The following KIF6 variants were observed in gnomAD, a reference collection of about 807,000 sequenced individuals.
KIF6 encodes the protein kinesin-like protein KIF6.
Under a neutral mutation model 112.7 loss-of-function variants are expected in KIF6, and 106 were observed. The ratio of observed to expected loss-of-function variants is 0.94; its 90% CI spans 0.80 to 1.11. KIF6 has a LOEUF of 1.11. KIF6 is among the 50% of genes least tolerant of loss of function. The pLI, the probability that KIF6 is intolerant of heterozygous loss-of-function variation, is 0.00. For missense variants in KIF6, 929 were observed against 964.0 expected (o/e 0.96, Z 0.48); for synonymous variants, 339 against 339.9 (o/e 1.00, Z 0.03).
chr6:39,495,931 T>C (rs920941657), intron 13 of KIF6, among the ~76,000 whole-genome samples: 1 of 152,184 alleles, frequency 6.6e-6, no homozygotes, highest in South Asian at 2.1e-4. Context: ...TTCAGGGGCC[T>C]GGGGACCCCA....
intron 3 of KIF6, among the ~76,000 whole-genome samples, chr6:39,689,347 T>C (rs1298641917): frequency 6.6e-6 from 1 of 151,810 alleles, no homozygotes; most frequent in African/African-American, 2.4e-5. Context: ...AATATGAAAA[T>C]TAGCTGAGTG....
At chr6:39,611,141 A>G (rs1783194234) in intron 6 of KIF6, among the ~76,000 whole-genome samples, 1 of 152,104 alleles carries the variant, frequency 6.6e-6, no homozygotes, top group Admixed American at 6.6e-5. Context: ...CCCTGTCTCT[A>G]CCAAAAATGC....
intron 3 of KIF6, among the ~76,000 whole-genome samples, chr6:39,649,602 C>T (rs1202368842): frequency 6.6e-6 from 1 of 152,026 alleles, no homozygotes; most frequent in Admixed American, 6.6e-5. Flanking sequence ...GCACAGATAC[C>T]ACCACTCCAT....
Position 39,345,825 on chromosome 6 carries a change from G to C in KIF6, c.2232-36C>G, listed in dbSNP as rs776439085. ...CAAACAAACAAAAGCAAAAGGAATG[G>C]GGGCAAATTTATAGAAGGAAATTCA... is the stretch of plus-strand genomic sequence containing the variant. On this transcript the variant is annotated intron_variant, in intron 20 of 22. Transcript: ENST00000287152. The C allele has an allele frequency of 2.0e-6, 3 of 1,494,498 alleles. No homozygotes were observed. The East Asian group carries it at 6.8e-5, about 34-fold the overall frequency. 92.6% of individuals were successfully genotyped at this position (1,494,498 alleles called of 1,614,324 possible). A position where few individuals can be genotyped will look rare whatever the true frequency, so the allele number is the denominator to read the frequency against.
intron 22 of KIF6, among the ~76,000 whole-genome samples, chr6:39,337,153 T>C (rs1762989190): frequency 2.0e-5 from 2 of 99,492 alleles, no homozygotes; most frequent in Admixed American, 1.8e-4. Context: ...CCTTTCTCTT[T>C]CTTTTCTTTC....
At chr6:39,586,219 A>G (rs760594959) in intron 8 of KIF6, 42 bp downstream of exon 8, 13 of 1,609,974 alleles carry the variant, frequency 8.1e-6, no homozygotes, top group Middle Eastern at 1.7e-4. Flanking sequence ...TGCTAGCAGT[A>G]AAAACCTAGA....
At position 39,337,172 on chromosome 6, in the gene KIF6, C is replaced by CTTTCTTTCTTTCTTTCT. The variant is rs1554195075; in HGVS notation, c.2429-625_2429-624insAGAAAGAAAGAAAGAAA. ...TCTCTTTCTTTTCTTTCTTTCCTTC[C>CTTTCTTTCTTTCTTTCT]TTCTTTCTTTCTTTCTTTCTTTCTT... On this transcript the variant is annotated intron_variant, in intron 22 of 22. Coordinates refer to ENST00000287152, the MANE Select transcript of KIF6 (RefSeq NM_145027.6). 3.1e-3 allele frequency among the ~76,000 whole-genome samples: 184 copies of CTTTCTTTCTTTCTTTCT among 59,470 alleles called. 3 individuals are homozygous for CTTTCTTTCTTTCTTTCT. Among genetic ancestry groups the CTTTCTTTCTTTCTTTCT allele is most frequent in the African/African-American group, 4.6e-3 (51 of 10,984 alleles). 39.0% of individuals were successfully genotyped at this position (59,470 alleles called of 152,430 possible). A position where few individuals can be genotyped will look rare whatever the true frequency, so the allele number is the denominator to read the frequency against.
chr6:39,609,045 A>G (rs558405482), intron 6 of KIF6, among the ~76,000 whole-genome samples: 92 of 152,346 alleles, frequency 6.0e-4, no homozygotes, highest in African/African-American at 2.2e-3. Flanking sequence ...TACAGGTTAG[A>G]AAGTACAGTT....
At chr6:39,627,562 T>C (rs754828284) in intron 5 of KIF6, among the ~76,000 whole-genome samples, 36 of 152,170 alleles carry the variant, frequency 2.4e-4, no homozygotes, top group Non-Finnish European at 4.4e-4. Flanking sequence ...AATTTTTTTG[T>C]AACTCCTGCA....
At chr6:39,593,105 A>G (rs1782041180) in intron 7 of KIF6, among the ~76,000 whole-genome samples, 1 of 152,224 alleles carries the variant, frequency 6.6e-6, no homozygotes, top group Non-Finnish European at 1.5e-5. Context: ...GCTGGCTAAC[A>G]TGATAGTCCT....
intron 10 of KIF6, among the ~76,000 whole-genome samples, chr6:39,572,134 C>G (rs1018231406): frequency 6.6e-6 from 1 of 152,066 alleles, no homozygotes; most frequent in Non-Finnish European, 1.5e-5. Context: ...TTTGGTTTAA[C>G]TCTCTCACCT....
rs184470105 is a variant in KIF6, at chr6:39,447,767, C to A, written c.1646-16606G>T. 3.3e-5 allele frequency among the ~76,000 whole-genome samples: 5 copies of A among 152,328 alleles called. No individual in the cohort carries two copies. In the East Asian group the frequency reaches 9.6e-4, roughly 29 times the overall value. ...CTTCAACAGAGCTGTCTACATTCAC[C>A]TCTCAATTCCCCCACTTCCTGTTCT... On this transcript the variant is annotated intron_variant, in intron 13 of 22. Transcript: ENST00000287152.
At chr6:39,408,230 A>C (rs552994755) in intron 15 of KIF6, among the ~76,000 whole-genome samples, 2 of 152,338 alleles carry the variant, frequency 1.3e-5, no homozygotes, top group East Asian at 3.9e-4. Context: ...GATCATGTAC[A>C]AGCAAGGATG....
At chr6:39,583,674 C>CTTTTTTTTTTTTTTTTTTTTT (rs564229262) in intron 9 of KIF6, among the ~76,000 whole-genome samples, 1 of 71,688 alleles carries the variant, frequency 1.4e-5, no homozygotes, top group Non-Finnish European at 2.8e-5. Context: ...GATTTCACTT[C>CTTTTTTTTTTTTTTTTTTTTT]TTTTTTTTTT....
At chr6:39,381,835 G>A (rs533107811) in intron 16 of KIF6, among the ~76,000 whole-genome samples, 2 of 152,324 alleles carry the variant, frequency 1.3e-5, no homozygotes, top group African/African-American at 4.8e-5. Flanking sequence ...TCCAGCCAAA[G>A]TGCTTTCTGT....
intron 3 of KIF6, among the ~76,000 whole-genome samples, chr6:39,681,701 T>G (rs1382471951): frequency 6.6e-6 from 1 of 152,176 alleles, no homozygotes; most frequent in African/African-American, 2.4e-5. Context: ...AACTCTTCCC[T>G]TCCCAATTCC....
chr6:39,350,899 A>ACT (rs1178579516), intron 19 of KIF6, among the ~76,000 whole-genome samples: 1 of 152,184 alleles, frequency 6.6e-6, no homozygotes, highest in Non-Finnish European at 1.5e-5. Flanking sequence ...GCAGCCAGCC[A>ACT]CTCAAGTTGA....
intron 15 of KIF6, among the ~76,000 whole-genome samples, chr6:39,404,124 T>C (rs2150343439): frequency 6.6e-6 from 1 of 152,364 alleles, no homozygotes; most frequent in African/African-American, 2.4e-5. Flanking sequence ...CTGTCACTTG[T>C]CTTTTCATTC....
intron 10 of KIF6, among the ~76,000 whole-genome samples, chr6:39,564,121 A>G (rs962007318): frequency 6.6e-6 from 1 of 152,188 alleles, no homozygotes; most frequent in Non-Finnish European, 1.5e-5. Flanking sequence ...ATGCTAGTTG[A>G]CTGATCTGGA....
Sources: allele counts gnomAD v4.1 joint callset (sites outside exome capture counted in the v4.1 genomes callset), GRCh38; gene constraint gnomAD v4.1.1; transcripts MANE v1.5; gene names NCBI Gene and HGNC (gene_info 2026-07-23, HGNC 2026-07-21).